COL4A4: variants seen among roughly 807,000 people sequenced by gnomAD.
The protein encoded by COL4A4 is collagen alpha-4(IV) chain.
In COL4A4, 105 loss-of-function variants were observed where a neutral mutation model predicts 192.9. That is an observed-to-expected ratio of 0.54 (90% CI 0.46 to 0.64). The LOEUF (loss-of-function observed/expected upper bound fraction) is 0.64. Among genes scored for constraint, COL4A4 ranks in the 30% least tolerant of loss-of-function variants. COL4A4 has a pLI of 0.00. For missense variants in COL4A4, 1,967 were observed against 2,169.3 expected, an observed-to-expected ratio of 0.91 and a Z score of 1.85; for synonymous variants, 762 against 769.9, an observed-to-expected ratio of 0.99 and a Z score of 0.17.
the COL4A4 span, among the ~76,000 whole-genome samples, chr2:226,967,490 C>T: frequency 3.3e-5 from 5 of 150,744 alleles, no homozygotes; most frequent in African/African-American, 9.8e-5. Context: ...CCCATTAACT[C>T]GTCATTTAAC....
At chr2:227,101,960 A>G in intron 15 of COL4A4, 51 bp from the exon 16 acceptor site, 2 of 1,377,860 alleles carry the variant, frequency 1.5e-6, no homozygotes, top group Non-Finnish European at 2.0e-6. Flanking sequence ...AGAATGCATT[A>G]ACCAGCTCAG....
In COL4A4 at chr2:227,065,213, C is replaced by A. The variant is rs566768657; in HGVS notation, c.1988-2615G>T. On this transcript the variant is annotated intron_variant, in intron 25 of 47. Transcript: ENST00000396625. ...AAAACGGCGCACCAGGAGATCACAT[C>A]CCGCACCTGGCTCGGAGGGTCCTAC... 9.4e-4 allele frequency among the ~76,000 whole-genome samples: 143 copies of A among 152,362 alleles called. 1 individual carries two copies. Among genetic ancestry groups the A allele is most frequent in the African/African-American group, 3.3e-3 (138 of 41,584 alleles).
intron 12 of COL4A4, among the ~76,000 whole-genome samples, chr2:227,107,873 T>G (rs984371835): frequency 6.6e-6 from 1 of 151,424 alleles, no homozygotes; most frequent in Non-Finnish European, 1.5e-5. Context: ...TTCTCCTGCT[T>G]CAGCCTCCCG....
At chr2:227,080,356 G>T in intron 24 of COL4A4, 87 bp downstream of exon 24, 2 of 1,220,094 alleles carry the variant, frequency 1.6e-6, no homozygotes, top group Non-Finnish European at 2.4e-6. Context: ...CTGAATTTCA[G>T]CTTGGCAAAT....
At chr2:227,070,915 T>C (rs1465027564) in intron 25 of COL4A4, among the ~76,000 whole-genome samples, 2 of 150,276 alleles carry the variant, frequency 1.3e-5, no homozygotes, top group African/African-American at 4.9e-5. Flanking sequence ...TAAAAGGAGT[T>C]CTAAACCTTG....
chr2:227,075,498 A>G (rs369620023), intron 25 of COL4A4, among the ~76,000 whole-genome samples: 52 of 152,336 alleles, frequency 3.4e-4, no homozygotes, highest in African/African-American at 1.1e-3. Context: ...TCAAAATAAC[A>G]AGAGCTATTT....
intron 7 of COL4A4, among the ~76,000 whole-genome samples, chr2:227,117,403 A>G (rs1444174547): frequency 6.6e-6 from 1 of 152,214 alleles, no homozygotes; most frequent in Non-Finnish European, 1.5e-5. Context: ...TGAGTTTGAA[A>G]GTAAAGGATG....
At chr2:227,108,179 T>C (rs575728168) in intron 12 of COL4A4, among the ~76,000 whole-genome samples, 3 of 152,166 alleles carry the variant, frequency 2.0e-5, no homozygotes, top group East Asian at 1.9e-4. Flanking sequence ...GGGTTGGAGA[T>C]TGTGTATTGC....
intron 9 of COL4A4, 28 bp from the exon 10 acceptor site, chr2:227,109,314 G>C (rs567667400): frequency 1.3e-6 from 2 of 1,583,794 alleles, no homozygotes; most frequent in East Asian, 4.5e-5. Context: ...CAGTGCATCT[G>C]TTACCCAAAA....
intron 21 of COL4A4, 105 bp from the exon 22 acceptor site, chr2:227,088,921 G>GA: frequency 3.8e-6 from 5 of 1,328,428 alleles, no homozygotes; most frequent in Non-Finnish European, 5.4e-6. Flanking sequence ...CAAAGAGTCC[G>GA]ATATGCACTT....
chr2:226,969,418 G>T, the COL4A4 span, among the ~76,000 whole-genome samples: 2 of 71,780 alleles, frequency 2.8e-5, no homozygotes, highest in African/African-American at 1.1e-4. Flanking sequence ...TTTTTTTAAG[G>T]AAGTAGACCT....
At chr2:227,009,825 A>C (rs572150255) in intron 46 of COL4A4, among the ~76,000 whole-genome samples, 2 of 152,008 alleles carry the variant, frequency 1.3e-5, no homozygotes, top group African/African-American at 2.4e-5. Flanking sequence ...GGAGCACCAA[A>C]AGATGACCCT....
chr2:226,972,584 A>G, the COL4A4 span, among the ~76,000 whole-genome samples: 16 of 152,200 alleles, frequency 1.1e-4, no homozygotes, highest in Non-Finnish European at 2.1e-4. Flanking sequence ...GTGCTGCTTC[A>G]TGGACGGAGC....
At chr2:227,118,469 T>C (rs1332612993) in intron 7 of COL4A4, among the ~76,000 whole-genome samples, 176 bp downstream of exon 7, 2 of 152,138 alleles carry the variant, frequency 1.3e-5, no homozygotes, top group Non-Finnish European at 2.9e-5. Flanking sequence ...ATCCACAAAG[T>C]CCTGCATGTT....
At chr2:226,994,932 G>A in the COL4A4 span, among the ~76,000 whole-genome samples, 2 of 152,132 alleles carry the variant, frequency 1.3e-5, no homozygotes, top group Non-Finnish European at 2.9e-5. Context: ...CTGCTCCAGT[G>A]GTTGCTTGTG....
intron 4 of COL4A4, among the ~76,000 whole-genome samples, chr2:227,138,449 C>G: frequency 6.6e-6 from 1 of 152,018 alleles, no homozygotes; most frequent in East Asian, 1.9e-4. Flanking sequence ...CTGGCTAACA[C>G]AGTGAAATCC....
At chr2:227,142,578 A>G (rs1465072471) in intron 3 of COL4A4, among the ~76,000 whole-genome samples, 1 of 152,116 alleles carries the variant, frequency 6.6e-6, no homozygotes, top group Non-Finnish European at 1.5e-5. Flanking sequence ...ACATGGTGAA[A>G]CCCCGTCTCT....
intron 1 of COL4A4, among the ~76,000 whole-genome samples, chr2:227,152,476 G>A (rs2064017373): frequency 6.6e-6 from 1 of 152,140 alleles, no homozygotes; most frequent in Non-Finnish European, 1.5e-5. Context: ...GTTAAAAACT[G>A]CCCTTTTCAC....
intron 1 of COL4A4, among the ~76,000 whole-genome samples, chr2:227,160,027 C>T (rs1367292890): frequency 6.6e-6 from 1 of 152,120 alleles, no homozygotes; most frequent in Non-Finnish European, 1.5e-5. Flanking sequence ...TCTTAAAGCA[C>T]AGGTAGTTGT....
Sources: allele counts gnomAD v4.1 joint callset (sites outside exome capture counted in the v4.1 genomes callset), GRCh38; gene constraint gnomAD v4.1.1; transcripts MANE v1.5; gene names NCBI Gene and HGNC (gene_info 2026-07-23, HGNC 2026-07-21).